Variants in SLC14A2 observed in about 807,000 individuals in gnomAD.
SLC14A2 encodes the protein solute carrier family 14 member 2.
SLC14A2 carries 91 observed loss-of-function variants against 104.6 expected under a neutral mutation model. The ratio of observed to expected loss-of-function variants is 0.87; its 90% CI spans 0.73 to 1.04. The LOEUF (loss-of-function observed/expected upper bound fraction) is 1.04. Ranked by LOEUF, SLC14A2 falls within the 50% of genes least tolerant of loss-of-function variation. The pLI, the probability that SLC14A2 is intolerant of heterozygous loss-of-function variation, is 0.00. For missense variants in SLC14A2, 1,189 were observed against 1,156.0 expected, an observed-to-expected ratio of 1.03 and a Z score of -0.41; for synonymous variants, 476 against 466.4, an observed-to-expected ratio of 1.02 and a Z score of -0.27.
chr18:45,475,654 T>TATATATATTTAGG (rs2087356944), intron 1 of SLC14A2, among the ~76,000 whole-genome samples: 2 of 53,586 alleles, frequency 3.7e-5, no homozygotes, highest in African/African-American at 2.2e-4. Context: ...TATATATATA[T>TATATATATTTAGG]ATATATATAT....
At chr18:45,336,740 A>T (rs2085341486) in intron 1 of SLC14A2, among the ~76,000 whole-genome samples, 1 of 152,148 alleles carries the variant, frequency 6.6e-6, no homozygotes, top group Non-Finnish European at 1.5e-5. Flanking sequence ...ACTGCCTATG[A>T]TGGCTCCTAG....
the SLC14A2 span, among the ~76,000 whole-genome samples, chr18:45,192,417 T>TGTGTTTA: frequency 6.6e-6 from 1 of 152,206 alleles, no homozygotes; most frequent in Non-Finnish European, 1.5e-5. Context: ...TATGTTTTTA[T>TGTGTTTA]TTGCCTTGAG....
chr18:45,231,740 GAC>G (rs2084176812), intron 1 of SLC14A2, among the ~76,000 whole-genome samples: 2 of 152,324 alleles, frequency 1.3e-5, no homozygotes, highest in South Asian at 4.1e-4. Flanking sequence ...TTTGGAGAAT[GAC>G]ACACACTTCA....
At chr18:45,396,577 C>T (rs12965285) in intron 1 of SLC14A2, among the ~76,000 whole-genome samples, 1 of 150,586 alleles carries the variant, frequency 6.6e-6, no homozygotes, top group Non-Finnish European at 1.5e-5. Flanking sequence ...TAGAGGTATT[C>T]GAGTGTGAAA....
intron 3 of SLC14A2, 35 bp from the exon 4 acceptor site, chr18:45,626,923 G>C (rs755905837): frequency 1.9e-6 from 3 of 1,576,368 alleles, no homozygotes; most frequent in Admixed American, 1.7e-5. Context: ...AGCCCAAGCT[G>C]GACCTGCTGA....
rs112569590 is a variant in SLC14A2, at chr18:45,641,463, C to T, written c.1126+120C>T. ...TCAGCAGTGACAGAAAGGCCAATGG[C>T]TTGCGTCCTAATGCCAGTGCTGCCC... On this transcript the variant is annotated intron_variant, in intron 8 of 19. Transcript: ENST00000255226. 1,426 of 1,160,094 alleles carry T rather than the reference C, an allele frequency of 1.2e-3. 21 individuals carry two copies. The African/African-American group carries it at 0.019, about 16-fold the overall frequency. The allele number at this position is 1,160,094 out of a possible 1,614,324, so 71.9% of individuals were successfully genotyped here.
At chr18:45,577,673 T>C (rs1308381177) in intron 2 of SLC14A2, among the ~76,000 whole-genome samples, 1 of 151,978 alleles carries the variant, frequency 6.6e-6, no homozygotes, top group African/African-American at 2.4e-5. Flanking sequence ...AAAATGAAAA[T>C]GACAGGGGTT....
chr18:45,583,010 G>C (rs1449787827), intron 2 of SLC14A2, among the ~76,000 whole-genome samples: 1 of 152,144 alleles, frequency 6.6e-6, no homozygotes, highest in Non-Finnish European at 1.5e-5. Flanking sequence ...ATGGAATCCT[G>C]ATCCTTGGGA....
chr18:45,277,824 A>G (rs2084718868), intron 1 of SLC14A2, among the ~76,000 whole-genome samples: 1 of 152,234 alleles, frequency 6.6e-6, no homozygotes, highest in Non-Finnish European at 1.5e-5. Context: ...TGTGCAGAGA[A>G]CAAAAAGTTT....
chr18:45,586,397 C>T (rs1455196928), intron 2 of SLC14A2, among the ~76,000 whole-genome samples: 2 of 152,154 alleles, frequency 1.3e-5, no homozygotes, highest in South Asian at 2.1e-4. Flanking sequence ...TAGAAGCTGA[C>T]GCTCATAAAC....
intron 2 of SLC14A2, among the ~76,000 whole-genome samples, chr18:45,497,261 A>T (rs1332719215): frequency 6.6e-6 from 1 of 152,176 alleles, no homozygotes; most frequent in Non-Finnish European, 1.5e-5. Flanking sequence ...TGCAAGCATG[A>T]ACCTGATAGC....
At position 45,627,110 on chromosome 18, in the gene SLC14A2, G is replaced by A. The variant is rs771560724; in HGVS notation, c.484G>A (p.Val162Ile). The A allele has an allele frequency of 3.1e-6, 5 of 1,614,150 alleles. No individual in the cohort carries two copies. The highest frequency in any genetic ancestry group is 3.3e-5 in the Admixed American group (2 of 60,020). Residue 162 changes from valine to isoleucine, a missense_variant, in exon 4 of 20, where the codon GTC becomes ATC. By Grantham distance (29) the Val-to-Ile change is conservative (BLOSUM62 3). Transcript: ENST00000255226. The stretch of plus-strand genomic sequence containing the variant: ...AATCACTGGGGGCCTGGGGACAGTG[G>A]TCTCGACCTTAACAGCTCTCGCCTT... ...WTITGGLGTV[V>I]STLTALALGQ...
chr18:45,174,686 A>G, the SLC14A2 span, among the ~76,000 whole-genome samples: 8 of 152,170 alleles, frequency 5.3e-5, no homozygotes, highest in Non-Finnish European at 8.8e-5. Flanking sequence ...GGTCTTGACC[A>G]AAAACACAAG....
intron 2 of SLC14A2, among the ~76,000 whole-genome samples, chr18:45,539,560 C>A (rs2043852453): frequency 6.6e-6 from 1 of 152,162 alleles, no homozygotes; most frequent in South Asian, 2.1e-4. Flanking sequence ...CTGCTGGAGC[C>A]CAGCCAGGCA....
chr18:45,314,376 G>A (rs2085108187), intron 1 of SLC14A2, among the ~76,000 whole-genome samples: 1 of 152,156 alleles, frequency 6.6e-6, no homozygotes, highest in African/African-American at 2.4e-5. Context: ...GATTGTGCCT[G>A]TCCTCAGGGA....
intron 1 of SLC14A2, among the ~76,000 whole-genome samples, chr18:45,338,865 G>T (rs1049076290): frequency 1.3e-5 from 2 of 151,960 alleles, no homozygotes; most frequent in Admixed American, 1.3e-4. Flanking sequence ...AAAGATAGGG[G>T]ACCGATTGGG....
chr18:45,448,027 G>A (rs1411538340), intron 1 of SLC14A2, among the ~76,000 whole-genome samples: 1 of 152,238 alleles, frequency 6.6e-6, no homozygotes. Flanking sequence ...AAACAAGACT[G>A]AGTATGGCTC....
chr18:45,317,472 A>G (rs2085141157), intron 1 of SLC14A2, among the ~76,000 whole-genome samples: 3 of 152,228 alleles, frequency 2.0e-5, no homozygotes, highest in African/African-American at 7.2e-5. Flanking sequence ...AATGTTAGGC[A>G]GGGAGAGAAA....
At chr18:45,496,953 T>C (rs2043109075) in intron 2 of SLC14A2, among the ~76,000 whole-genome samples, 1 of 152,164 alleles carries the variant, frequency 6.6e-6, no homozygotes. Context: ...CTCTCAGGCC[T>C]TTGGCCACAG....
Sources: allele counts gnomAD v4.1 joint callset (sites outside exome capture counted in the v4.1 genomes callset), GRCh38; gene constraint gnomAD v4.1.1; transcripts MANE v1.5; gene names NCBI Gene and HGNC (gene_info 2026-07-23, HGNC 2026-07-21).